Variants in NRXN3 observed in about 807,000 individuals in gnomAD.
The protein encoded by NRXN3 is neurexin III.
A neutral mutation model predicts 137.6 loss-of-function variants in NRXN3; 32 were observed. The observed-to-expected ratio is 0.23, with a 90% CI of 0.18 to 0.31. NRXN3 has a LOEUF of 0.31. Among genes scored for constraint, NRXN3 ranks in the 10% least tolerant of loss-of-function variants. The pLI is 1.00. For synonymous variants in NRXN3, 798 were observed against 784.5 expected (o/e 1.02, Z -0.29); for missense variants, 1,574 against 2,062.5 (o/e 0.76, Z 4.59).
chr14:79,760,639 G>A (rs1221534940), intron 19 of NRXN3: 1 of 151,466 alleles, frequency 6.6e-6, no homozygotes, highest in South Asian at 2.1e-4. Context: ...TGCAAAGAAA[G>A]AGCCTTACCC....
At chr14:78,767,498 C>T (rs1459771399) in intron 8 of NRXN3, among the ~76,000 whole-genome samples, 2 of 152,180 alleles carry the variant, frequency 1.3e-5, no homozygotes, top group South Asian at 2.1e-4. Context: ...ACCCTAGGGT[C>T]TATCTACCAC....
intron 8 of NRXN3, among the ~76,000 whole-genome samples, chr14:78,718,848 T>C (rs2098446512): frequency 6.6e-6 from 1 of 152,222 alleles, no homozygotes; most frequent in Admixed American, 6.5e-5. Flanking sequence ...AAAGGCCTGT[T>C]TTAACTACTT....
At chr14:78,491,762 A>C (rs2095673401) in intron 4 of NRXN3, among the ~76,000 whole-genome samples, 1 of 152,148 alleles carries the variant, frequency 6.6e-6, no homozygotes, top group South Asian at 2.1e-4. Context: ...GGGCGATTCA[A>C]ATTGCTTTCT....
chr14:78,634,718 C>G (rs1192612572), intron 4 of NRXN3, among the ~76,000 whole-genome samples: 2 of 151,992 alleles, frequency 1.3e-5, no homozygotes, highest in African/African-American at 2.4e-5. Flanking sequence ...TCTTCCTCCT[C>G]CAAAGTAACC....
At chr14:78,806,897 GTGAGATAAAT>G (rs1402544255) in intron 9 of NRXN3, among the ~76,000 whole-genome samples, 1 of 152,136 alleles carries the variant, frequency 6.6e-6, no homozygotes, top group African/African-American at 2.4e-5. Context: ...TGATAATTTT[GTGAGATAAAT>G]CAAGCAAGTG....
chr14:78,841,060 T>A (rs2099010975), intron 10 of NRXN3, among the ~76,000 whole-genome samples: 1 of 152,170 alleles, frequency 6.6e-6, no homozygotes, highest in Non-Finnish European at 1.5e-5. Context: ...ACACAGCTGG[T>A]ATTTTGTAGA....
At chr14:78,279,886 G>T (rs540606085) in intron 3 of NRXN3, among the ~76,000 whole-genome samples, 6 of 151,986 alleles carry the variant, frequency 3.9e-5, no homozygotes, top group African/African-American at 1.4e-4. Flanking sequence ...ACTTAAGTAG[G>T]GTTCTTCTGA....
At chr14:78,436,300 C>CA (rs577675633) in intron 4 of NRXN3, among the ~76,000 whole-genome samples, 86 of 152,302 alleles carry the variant, frequency 5.6e-4, no homozygotes, top group Admixed American at 1.5e-3. Flanking sequence ...ATAATAAACA[C>CA]ATACATTTTT....
At chr14:79,198,845 C>T (rs867662378) in intron 15 of NRXN3, among the ~76,000 whole-genome samples, 4 of 152,274 alleles carry the variant, frequency 2.6e-5, no homozygotes, top group Middle Eastern at 3.4e-3. Flanking sequence ...AGAAAGACTA[C>T]AAGTAATTTC....
chr14:78,264,735 G>A (rs564176509), intron 2 of NRXN3, among the ~76,000 whole-genome samples: 2 of 152,190 alleles, frequency 1.3e-5, no homozygotes, highest in Non-Finnish European at 2.9e-5. Context: ...GGATATTAGT[G>A]TTGTCTAATA....
intron 10 of NRXN3, among the ~76,000 whole-genome samples, chr14:78,869,717 A>G (rs78841028): frequency 0.025 from 3,802 of 152,220 alleles, 159 homozygotes; most frequent in African/African-American, 0.086. Flanking sequence ...TTCATCTCAA[A>G]TATCCACTGG....
chr14:79,588,422 G>A (rs532915659), intron 16 of NRXN3, among the ~76,000 whole-genome samples: 51 of 152,214 alleles, frequency 3.4e-4, no homozygotes, highest in South Asian at 2.9e-3. Context: ...CTCAAACTCC[G>A]CTTGTGAACT....
At chr14:78,409,975 A>T (rs976337391) in intron 4 of NRXN3, among the ~76,000 whole-genome samples, 1 of 152,122 alleles carries the variant, frequency 6.6e-6, no homozygotes, top group Non-Finnish European at 1.5e-5. Context: ...TCTTCTTTGA[A>T]CTTAGTTCTC....
intron 15 of NRXN3, among the ~76,000 whole-genome samples, chr14:79,007,437 T>C (rs2099555279): frequency 6.9e-6 from 1 of 144,688 alleles, no homozygotes; most frequent in African/African-American, 2.6e-5. Context: ...GAATTGTCTC[T>C]GAAAAAAAAA....
At chr14:78,460,265 TG>T (rs765578050) in intron 4 of NRXN3, among the ~76,000 whole-genome samples, 108 of 152,372 alleles carry the variant, frequency 7.1e-4, no homozygotes, top group Middle Eastern at 3.4e-3. Context: ...TTGGGGTTTT[TG>T]TGGAGGCTTC....
intron 15 of NRXN3, chr14:79,248,480 T>A (rs1240082096): frequency 2.0e-5 from 3 of 152,686 alleles, no homozygotes; most frequent in East Asian, 3.8e-4. Flanking sequence ...AATATACCTC[T>A]GGCCCCCCAG....
At chr14:78,955,522 T>C (rs1200262629) in intron 10 of NRXN3, among the ~76,000 whole-genome samples, 1 of 152,208 alleles carries the variant, frequency 6.6e-6, no homozygotes, top group East Asian at 1.9e-4. Flanking sequence ...TTCCTAAGAT[T>C]CATTGCTCTC....
At chr14:79,610,335 T>C (rs1237487760) in intron 16 of NRXN3, among the ~76,000 whole-genome samples, 1 of 152,174 alleles carries the variant, frequency 6.6e-6, no homozygotes, top group Non-Finnish European at 1.5e-5. Context: ...GGTGGTGGTA[T>C]TAGGTAATTA....
chr14:78,486,557 G>A (rs2095562314), intron 4 of NRXN3, among the ~76,000 whole-genome samples: 1 of 152,098 alleles, frequency 6.6e-6, no homozygotes, highest in African/African-American at 2.4e-5. Flanking sequence ...CCTTGCGATG[G>A]CCTCCCTCTC....
Sources: allele counts gnomAD v4.1 joint callset (sites outside exome capture counted in the v4.1 genomes callset), GRCh38; gene constraint gnomAD v4.1.1; transcripts MANE v1.5; gene names NCBI Gene and HGNC (gene_info 2026-07-23, HGNC 2026-07-21).